SLIT3: variants seen among roughly 807,000 people sequenced by gnomAD.
The protein encoded by SLIT3 is slit homolog 3 protein.
A neutral mutation model predicts 184.0 loss-of-function variants in SLIT3; 68 were observed. The observed-to-expected ratio is 0.37, with a 90% CI of 0.30 to 0.45. SLIT3 has a LOEUF of 0.45. Among genes scored for constraint, SLIT3 ranks in the 20% least tolerant of loss-of-function variants. The probability of loss-of-function intolerance (pLI) is 1.00; values close to 1 mark genes in which losing one functional copy is unlikely to be tolerated. For missense variants in SLIT3, 1,707 were observed against 2,026.0 expected, an observed-to-expected ratio of 0.84 and a Z score of 3.02; for synonymous variants, 831 against 828.6, an observed-to-expected ratio of 1.00 and a Z score of -0.05.
chr5:168,733,024 C>T (rs971745487), intron 20 of SLIT3, among the ~76,000 whole-genome samples: 3 of 151,846 alleles, frequency 2.0e-5, no homozygotes, highest in African/African-American at 7.3e-5. Flanking sequence ...AACAGACAAC[C>T]TGCAGGATGG....
At chr5:169,077,026 A>G (rs1480511166) in intron 4 of SLIT3, among the ~76,000 whole-genome samples, 1 of 152,102 alleles carries the variant, frequency 6.6e-6, no homozygotes, top group Non-Finnish European at 1.5e-5. Flanking sequence ...GGTTTGAACT[A>G]CCTGGGATCA....
intron 4 of SLIT3, among the ~76,000 whole-genome samples, chr5:168,908,902 C>A (rs1039716106): frequency 3.3e-5 from 5 of 152,204 alleles, no homozygotes; most frequent in African/African-American, 1.2e-4. Context: ...GAGGTGCACA[C>A]CTTACAAGTC....
intron 4 of SLIT3, among the ~76,000 whole-genome samples, chr5:168,949,082 T>C (rs1200639587): frequency 6.6e-6 from 1 of 152,192 alleles, no homozygotes; most frequent in Admixed American, 6.5e-5. Context: ...TGAGCATCTG[T>C]ATTTTTCATG....
At chr5:169,053,945 G>T (rs1757899312) in intron 4 of SLIT3, among the ~76,000 whole-genome samples, 1 of 151,996 alleles carries the variant, frequency 6.6e-6, no homozygotes, top group Non-Finnish European at 1.5e-5. Flanking sequence ...ACAAAAGTTA[G>T]CCAGGCCTGG....
At chr5:168,897,341 GAAAGTCAGCC>G (rs1760701502) in intron 4 of SLIT3, among the ~76,000 whole-genome samples, 1 of 152,084 alleles carries the variant, frequency 6.6e-6, no homozygotes, top group Admixed American at 6.5e-5. Context: ...GGACAGACCA[GAAAGTCAGCC>G]TCTGAGTGCT....
chr5:168,820,131 G>C (rs972495229), intron 7 of SLIT3, among the ~76,000 whole-genome samples: 1 of 152,122 alleles, frequency 6.6e-6, no homozygotes, highest in East Asian at 1.9e-4. Context: ...CACTGTCAGG[G>C]GTAGCGCTAA....
At chr5:168,717,999 A>AT (rs1183577782) in intron 23 of SLIT3, 3 of 151,992 alleles carry the variant, frequency 2.0e-5, no homozygotes, top group Non-Finnish European at 4.4e-5. Context: ...GGACAGAAAA[A>AT]TTTTCAATAT....
intron 3 of SLIT3, among the ~76,000 whole-genome samples, chr5:169,195,362 C>T (rs1763707599): frequency 6.6e-6 from 1 of 152,168 alleles, no homozygotes; most frequent in African/African-American, 2.4e-5. Context: ...ATATAATAAG[C>T]CCACTGTCAA....
intron 4 of SLIT3, among the ~76,000 whole-genome samples, chr5:169,054,261 G>A (rs1200699642): frequency 6.7e-6 from 1 of 149,722 alleles, no homozygotes; most frequent in African/African-American, 2.5e-5. Context: ...GATAGAAGCG[G>A]AGATTGGGAT....
At chr5:168,827,127 T>C (rs1757731498) in intron 6 of SLIT3, among the ~76,000 whole-genome samples, 1 of 152,208 alleles carries the variant, frequency 6.6e-6, no homozygotes, top group Non-Finnish European at 1.5e-5. Context: ...ATCACCTCCA[T>C]TTCATGATTG....
At chr5:169,240,284 T>C (rs1446470670) in intron 3 of SLIT3, among the ~76,000 whole-genome samples, 2 of 151,968 alleles carry the variant, frequency 1.3e-5, no homozygotes, top group African/African-American at 4.8e-5. Context: ...TTTAATATTC[T>C]ATATTTTTAC....
intron 5 of SLIT3, among the ~76,000 whole-genome samples, chr5:168,864,164 A>C (rs1185766734): frequency 6.6e-6 from 1 of 152,136 alleles, no homozygotes; most frequent in South Asian, 2.1e-4. Flanking sequence ...GAGCCACTGC[A>C]CTCCAGCCCG....
At chr5:169,153,222 A>G (rs1561700764) in intron 4 of SLIT3, among the ~76,000 whole-genome samples, 1 of 152,214 alleles carries the variant, frequency 6.6e-6, no homozygotes, top group East Asian at 1.9e-4. Flanking sequence ...GGAGGGGAGG[A>G]GGAATCCTCA....
intron 4 of SLIT3, among the ~76,000 whole-genome samples, chr5:169,079,689 GGAGGAGGAGGGAA>G (rs1758912155): frequency 2.1e-5 from 2 of 93,802 alleles, no homozygotes; most frequent in Non-Finnish European, 4.6e-5. Context: ...GGAGGGAAGA[GGAGGAGGAGGGAA>G]GAGGAGGAGG....
At chr5:168,747,129 A>AG (rs1754496939) in intron 20 of SLIT3, among the ~76,000 whole-genome samples, 1 of 152,030 alleles carries the variant, frequency 6.6e-6, no homozygotes, top group Admixed American at 6.6e-5. Context: ...CTTCAGCCAG[A>AG]GCACTGCCTC....
At chr5:169,294,231 T>G (rs1164851094) in intron 1 of SLIT3, among the ~76,000 whole-genome samples, 1 of 149,784 alleles carries the variant, frequency 6.7e-6, no homozygotes, top group Non-Finnish European at 1.5e-5. Flanking sequence ...AAGGAGGTAT[T>G]TAAGGAAAAA....
At chr5:168,875,950 A>G (rs62378555) in intron 5 of SLIT3, among the ~76,000 whole-genome samples, 13,151 of 152,136 alleles carry the variant, frequency 0.086, 612 homozygotes, top group Middle Eastern at 0.13. Context: ...GCAAAGCAGG[A>G]AAGGCTGGGG....
intron 3 of SLIT3, among the ~76,000 whole-genome samples, chr5:169,243,910 T>G (rs1765488769): frequency 6.6e-6 from 1 of 152,254 alleles, no homozygotes; most frequent in African/African-American, 2.4e-5. Flanking sequence ...GGACAATCCC[T>G]GCTCAGAGGG....
At chr5:168,748,609 C>G (rs542229651) in intron 19 of SLIT3, among the ~76,000 whole-genome samples, 175 bp from the exon 20 acceptor site, 6 of 152,334 alleles carry the variant, frequency 3.9e-5, no homozygotes, top group African/African-American at 1.2e-4. Context: ...GTGTCGCCTA[C>G]CTTTTACCTC....
Sources: gnomAD v4.1 joint callset for allele counts (sites outside exome capture counted in the v4.1 genomes callset) on GRCh38, gnomAD v4.1.1 for gene constraint, MANE v1.5 for transcripts, NCBI Gene and HGNC (gene_info 2026-07-23, HGNC 2026-07-21) for gene names.